Variants in ROPN1 observed in about 807,000 individuals in gnomAD.
ROPN1 encodes the protein rhophilin associated tail protein 1.
A neutral mutation model predicts 20.5 loss-of-function variants in ROPN1; 14 were observed. That is an observed-to-expected ratio of 0.68 (90% confidence interval 0.45 to 1.07). The LOEUF (loss-of-function observed/expected upper bound fraction) is 1.07. Ranked by LOEUF, ROPN1 falls within the 50% of genes least tolerant of loss-of-function variation. The pLI is 0.00. For synonymous variants in ROPN1, 76 were observed against 95.7 expected (o/e 0.79, Z 1.20); for missense variants, 169 against 242.8 (o/e 0.70, Z 2.02).
chr3:123,970,402 G>A (rs763599256), intron 4 of ROPN1, among the ~76,000 whole-genome samples, 185 bp from the exon 5 acceptor site: 3 of 152,138 alleles, frequency 2.0e-5, no homozygotes, highest in Non-Finnish European at 4.4e-5. Context: ...AAAATATTAA[G>A]TATTGGGTAT....
intron 4 of ROPN1, among the ~76,000 whole-genome samples, chr3:123,972,008 A>G (rs1456749322): frequency 8.5e-5 from 13 of 152,218 alleles, no homozygotes; most frequent in Admixed American, 8.5e-4. Flanking sequence ...AGAGGAACAC[A>G]GTTTGAGAAG....
intron 1 of ROPN1, among the ~76,000 whole-genome samples, chr3:123,987,742 G>A (rs1428181018): frequency 6.6e-6 from 1 of 152,194 alleles, no homozygotes; most frequent in Non-Finnish European, 1.5e-5. Flanking sequence ...AGTCCTACTT[G>A]ACCTTGTCCT....
intron 1 of ROPN1, among the ~76,000 whole-genome samples, chr3:123,988,824 G>A (rs1231176871): frequency 6.6e-6 from 1 of 151,980 alleles, no homozygotes; most frequent in Non-Finnish European, 1.5e-5. Flanking sequence ...GGAGCTCACA[G>A]TCCAGTGGAA....
At position 123,986,436 on chromosome 3, in the gene ROPN1, G is replaced by A. The variant is rs1005184387; in HGVS notation, c.-13+5486C>T. 1.7e-4 allele frequency among the ~76,000 whole-genome samples: 26 copies of A among 152,172 alleles called. 1 individual carries two copies. Among genetic ancestry groups the A allele is most frequent in the Non-Finnish European group, 5.9e-5 (4 of 68,034 alleles). On this transcript the variant is annotated intron_variant, in intron 1 of 5. Coordinates refer to ENST00000405845, the MANE Select transcript of ROPN1 (RefSeq NM_001317774.2). Reference sequence around the variant, plus strand: ...CAGGGGTCCCTGATGGAGACTGTGTGTGCTGTTGCACTGGAGGTGGTGTTG... The same window carrying A: ...CAGGGGTCCCTGATGGAGACTGTGTATGCTGTTGCACTGGAGGTGGTGTTG...
In ROPN1 at chr3:123,986,018, A is replaced by AAAAAAAAAAAAAAAAAAAT. The variant is rs201340337; in HGVS notation, c.-12-5526_-12-5525insATTTTTTTTTTTTTTTTTT. ...AAAAAAAAAAAAAAAAAAAAAAAAA[A>AAAAAAAAAAAAAAAAAAAT]TCAAAATATTTAAATTATACTTGAA... On this transcript the variant is annotated intron_variant, in intron 1 of 5. Coordinates refer to ENST00000405845, the MANE Select transcript of ROPN1 (RefSeq NM_001317774.2). Among the ~76,000 whole-genome samples, 26 of 93,986 alleles carry AAAAAAAAAAAAAAAAAAAT rather than the reference A, an allele frequency of 2.8e-4. 6 individuals carry two copies. The East Asian group carries it at 4.9e-3, about 18-fold the overall frequency. The allele number at this position is 93,986 out of a possible 152,430, so 61.7% of individuals were successfully genotyped here.
chr3:123,971,990 G>A (rs2037928543), intron 4 of ROPN1, among the ~76,000 whole-genome samples: 1 of 152,196 alleles, frequency 6.6e-6, no homozygotes, highest in African/African-American at 2.4e-5. Context: ...CACCAGACAT[G>A]TAGGCACAGA....
At chr3:123,970,799 A>G (rs1290658621) in intron 4 of ROPN1, among the ~76,000 whole-genome samples, 1 of 152,214 alleles carries the variant, frequency 6.6e-6, no homozygotes, top group African/African-American at 2.4e-5. Context: ...GCTTTATTTC[A>G]TACTACATAA....
At chr3:123,987,824 C>G (rs1173860671) in intron 1 of ROPN1, among the ~76,000 whole-genome samples, 1 of 152,172 alleles carries the variant, frequency 6.6e-6, no homozygotes, top group Non-Finnish European at 1.5e-5. Flanking sequence ...CTAGTATTAC[C>G]TCTTGAAAGC....
At chr3:123,987,505 A>G (rs1443300491) in intron 1 of ROPN1, among the ~76,000 whole-genome samples, 2 of 151,612 alleles carry the variant, frequency 1.3e-5, no homozygotes, top group African/African-American at 2.4e-5. Flanking sequence ...TTTCTTAACC[A>G]CTCATGTTTT....
At chr3:123,986,021 A>G (rs2038245586) in intron 1 of ROPN1, among the ~76,000 whole-genome samples, 1 of 147,676 alleles carries the variant, frequency 6.8e-6, no homozygotes, top group African/African-American at 2.5e-5. Context: ...AAAAAAAATC[A>G]AAATATTTAA....
At chr3:123,974,675 A>T (rs2877777) in intron 4 of ROPN1, 15,326 of 152,760 alleles carry the variant, frequency 0.1, 1,762 homozygotes, top group East Asian at 0.42. Context: ...GATTCTTTTA[A>T]AAAAACACGT....
At chr3:123,986,151 T>C (rs527309507) in intron 1 of ROPN1, among the ~76,000 whole-genome samples, 1 of 151,278 alleles carries the variant, frequency 6.6e-6, no homozygotes, top group South Asian at 2.1e-4. Context: ...TTCAAAAATT[T>C]CATGTGATTT....
intron 1 of ROPN1, among the ~76,000 whole-genome samples, chr3:123,986,018 AT>A (rs2038245383): frequency 3.0e-4 from 28 of 93,926 alleles, no homozygotes; most frequent in South Asian, 4.0e-4. Flanking sequence ...AAAAAAAAAA[AT>A]CAAAATATTT....
At position 123,981,023 on chromosome 3, in the gene ROPN1, C is replaced by G. The variant is rs1469935811; in HGVS notation, c.-12-530G>C. ...GCCATTTGGTGAGCGTCTCTCTTTA[C>G]AGCTGCATGTTCTTTTCCACTCTAA... is the stretch of plus-strand genomic sequence containing the variant. On this transcript the variant is annotated intron_variant, in intron 1 of 5. Coordinates refer to ENST00000405845, the MANE Select transcript of ROPN1 (RefSeq NM_001317774.2). Among the ~76,000 whole-genome samples, 7 of 152,290 alleles carry G rather than the reference C, an allele frequency of 4.6e-5. No homozygotes were observed. In the South Asian group the frequency reaches 1.5e-3, roughly 32 times the overall value.
chr3:123,988,298 G>A (rs2038315457), intron 1 of ROPN1, among the ~76,000 whole-genome samples: 1 of 151,982 alleles, frequency 6.6e-6, no homozygotes, highest in Non-Finnish European at 1.5e-5. Context: ...GGTGTGTGCT[G>A]CCATACCTGG....
chr3:123,981,721 A>G (rs1298305610), intron 1 of ROPN1, among the ~76,000 whole-genome samples: 11 of 152,210 alleles, frequency 7.2e-5, no homozygotes, highest in Admixed American at 1.3e-4. Context: ...ACAAGAAACT[A>G]AAGTGGTCTT....
intron 1 of ROPN1, among the ~76,000 whole-genome samples, chr3:123,984,970 T>C (rs1319016594): frequency 6.6e-6 from 1 of 152,170 alleles, no homozygotes; most frequent in Non-Finnish European, 1.5e-5. Flanking sequence ...ATATTGTTTG[T>C]AGTATGCATA....
At chr3:123,973,832 C>A (rs1284520536) in intron 4 of ROPN1, among the ~76,000 whole-genome samples, 1 of 152,170 alleles carries the variant, frequency 6.6e-6, no homozygotes, top group Non-Finnish European at 1.5e-5. Context: ...TTTCACCAGT[C>A]CGGGAGAGAC....
Position 123,969,442 on chromosome 3 carries a change from A to G in ROPN1, c.573-221T>C, listed in dbSNP as rs559290663. 2.6e-4 allele frequency among the ~76,000 whole-genome samples: 39 copies of G among 151,972 alleles called. No homozygotes were observed. In the South Asian group the frequency reaches 7.7e-3, roughly 30 times the overall value. ...AACCTCTGCCTCCTGGGCTCAAGCTATTCTCCCAATTAACTGATACAGACA... is the reference window on the plus strand; with the variant it reads ...AACCTCTGCCTCCTGGGCTCAAGCTGTTCTCCCAATTAACTGATACAGACA... On this transcript the variant is annotated intron_variant, in intron 5 of 5. Transcript: ENST00000405845.
Sources: gnomAD v4.1 joint callset for allele counts (sites outside exome capture counted in the v4.1 genomes callset) on GRCh38, gnomAD v4.1.1 for gene constraint, MANE v1.5 for transcripts, NCBI Gene and HGNC (gene_info 2026-07-23, HGNC 2026-07-21) for gene names.